Variants in RBFOX1 observed in about 807,000 individuals in gnomAD.
The protein encoded by RBFOX1 is RNA binding protein fox-1 homolog 1.
RBFOX1 carries 8 observed loss-of-function variants against 57.7 expected under a neutral mutation model. The observed-to-expected ratio is 0.14, with a 90% CI of 0.08 to 0.25. The LOEUF is 0.25. Among genes scored for constraint, RBFOX1 ranks in the 10% least tolerant of loss-of-function variants. RBFOX1 has a pLI of 1.00. For synonymous variants in RBFOX1, 326 were observed against 222.4 expected, an observed-to-expected ratio of 1.47 and a Z score of -4.15; for missense variants, 611 against 548.5, an observed-to-expected ratio of 1.11 and a Z score of -1.14.
intron 1 of RBFOX1, among the ~76,000 whole-genome samples, chr16:5,272,585 G>A (rs8060859): frequency 0.19 from 29,260 of 152,106 alleles, 3,218 homozygotes; most frequent in African/African-American, 0.3. Context: ...CCCCACTGAC[G>A]TGAAATGTGG....
intron 4 of RBFOX1, among the ~76,000 whole-genome samples, chr16:7,471,862 G>GGTGTC (rs1199700810): frequency 6.6e-6 from 1 of 152,192 alleles, no homozygotes; most frequent in Admixed American, 6.5e-5. Flanking sequence ...GCTGGGAAGA[G>GGTGTC]GTGTCACTAG....
At position 6,021,814 on chromosome 16, in the gene RBFOX1, T is replaced by C. The variant is rs180680623; in HGVS notation, c.-127+1822T>C. On this transcript the variant is annotated intron_variant, in intron 1 of 15. Transcript: ENST00000550418. ...GGTTGTCACCTGTAAAATCAGAGTT[T>C]CAGTCGTAGTTCTGTCCTCAGAGGG... 7.2e-3 allele frequency among the ~76,000 whole-genome samples: 1,096 copies of C among 152,296 alleles called. 8 individuals are homozygous for C. The highest frequency in any genetic ancestry group is 0.014 in the Middle Eastern group (4 of 294).
intron 3 of RBFOX1, among the ~76,000 whole-genome samples, chr16:6,812,480 T>G (rs534009697): frequency 5.3e-5 from 8 of 152,236 alleles, no homozygotes; most frequent in African/African-American, 1.7e-4. Flanking sequence ...TTCAAGTGAT[T>G]CTCTTGCCAT....
At chr16:7,639,688 T>G (rs1271036335) in intron 11 of RBFOX1, among the ~76,000 whole-genome samples, 6 of 152,174 alleles carry the variant, frequency 3.9e-5, no homozygotes, top group African/African-American at 1.4e-4. Context: ...ACTTATTCAC[T>G]GTTAGCACTG....
At chr16:6,295,950 C>G (rs138904284) in intron 1 of RBFOX1, among the ~76,000 whole-genome samples, 3 of 152,300 alleles carry the variant, frequency 2.0e-5, no homozygotes, top group Non-Finnish European at 4.4e-5. Flanking sequence ...CTATTTTATT[C>G]ACATATGTCT....
At chr16:6,620,733 C>A (rs2098217642) in intron 2 of RBFOX1, among the ~76,000 whole-genome samples, 1 of 152,174 alleles carries the variant, frequency 6.6e-6, no homozygotes, top group Admixed American at 6.5e-5. Context: ...CCTCTCTGCA[C>A]ATAAACTAGA....
At chr16:6,616,167 T>C (rs1266753835) in intron 2 of RBFOX1, among the ~76,000 whole-genome samples, 3 of 152,190 alleles carry the variant, frequency 2.0e-5, no homozygotes, top group African/African-American at 4.8e-5. Flanking sequence ...TTCATCATTG[T>C]ATGTGTATTT....
At chr16:6,527,177 A>T (rs1032973747) in intron 2 of RBFOX1, among the ~76,000 whole-genome samples, 2 of 152,194 alleles carry the variant, frequency 1.3e-5, no homozygotes, top group African/African-American at 4.8e-5. Context: ...GGATATAGGG[A>T]AAAAGTAAGT....
chr16:7,005,014 C>G (rs552658764), intron 3 of RBFOX1, among the ~76,000 whole-genome samples: 1 of 152,106 alleles, frequency 6.6e-6, no homozygotes, highest in Non-Finnish European at 1.5e-5. Context: ...CATGATGGTG[C>G]GTGCCTGTTA....
intron 4 of RBFOX1, among the ~76,000 whole-genome samples, chr16:7,267,699 A>C (rs1041434791): frequency 3.3e-5 from 5 of 152,104 alleles, no homozygotes; most frequent in African/African-American, 1.2e-4. Flanking sequence ...TACTAAAAAT[A>C]CAAAAAATTA....
intron 2 of RBFOX1, among the ~76,000 whole-genome samples, chr16:5,499,730 G>A (rs774135799): frequency 1.1e-4 from 16 of 151,858 alleles, no homozygotes; most frequent in African/African-American, 1.7e-4. Context: ...CCACCACCAC[G>A]CCTGGCTAAT....
intron 2 of RBFOX1, among the ~76,000 whole-genome samples, chr16:6,489,370 C>A (rs943671377): frequency 1.3e-5 from 2 of 152,134 alleles, no homozygotes; most frequent in South Asian, 4.1e-4. Context: ...AGCACTCTTG[C>A]AAATGCTTTA....
downstream of RBFOX1, chr16:5,601,525 G>C (rs2047363609): frequency 6.6e-6 from 1 of 152,214 alleles, no homozygotes; most frequent in African/African-American, 2.4e-5. Flanking sequence ...GAAGACTGTG[G>C]GAGCATACCA....
At chr16:7,313,109 T>C (rs1406960687) in intron 4 of RBFOX1, among the ~76,000 whole-genome samples, 1 of 152,136 alleles carries the variant, frequency 6.6e-6, no homozygotes, top group Non-Finnish European at 1.5e-5. Flanking sequence ...CACATCACTC[T>C]TCATCCGGGC....
intron 2 of RBFOX1, among the ~76,000 whole-genome samples, chr16:6,595,091 G>C (rs913929522): frequency 6.6e-6 from 1 of 152,050 alleles, no homozygotes; most frequent in Non-Finnish European, 1.5e-5. Flanking sequence ...CTGGCCTTCC[G>C]TGGTTTTTAA....
intron 4 of RBFOX1, among the ~76,000 whole-genome samples, chr16:7,399,197 C>G (rs561483264): frequency 6.6e-6 from 1 of 152,310 alleles, no homozygotes; most frequent in East Asian, 1.9e-4. Context: ...CCTGTTATCC[C>G]AACATTTTGG....
chr16:6,170,692 C>G (rs971070515), intron 1 of RBFOX1, among the ~76,000 whole-genome samples: 1 of 152,014 alleles, frequency 6.6e-6, no homozygotes, highest in Non-Finnish European at 1.5e-5. Context: ...TTTCATCACC[C>G]AAGTACTAAG....
chr16:7,289,516 G>A (rs746223496), intron 4 of RBFOX1, among the ~76,000 whole-genome samples: 36 of 151,508 alleles, frequency 2.4e-4, no homozygotes, highest in Non-Finnish European at 4.0e-4. Flanking sequence ...CACCTTCATC[G>A]TCATCATCAC....
intron 2 of RBFOX1, among the ~76,000 whole-genome samples, chr16:6,370,362 GAAAAAAAAAAAA>G (rs71145221): frequency 8.5e-5 from 7 of 81,976 alleles, no homozygotes; most frequent in Non-Finnish European, 1.5e-4. Flanking sequence ...CGTCTCAAAA[GAAAAAAAAAAAA>G]AAAAAAAAAA....
Sources: allele counts gnomAD v4.1 joint callset (sites outside exome capture counted in the v4.1 genomes callset), GRCh38; gene constraint gnomAD v4.1.1; transcripts MANE v1.5; gene names NCBI Gene and HGNC (gene_info 2026-07-23, HGNC 2026-07-21).